Variants in CDC42EP3 observed in about 807,000 individuals in gnomAD.
CDC42EP3 encodes CDC42 effector protein 3.
In CDC42EP3, 4 loss-of-function variants were observed where a neutral mutation model predicts 15.5. The ratio of observed to expected loss-of-function variants is 0.26; its 90% confidence interval spans 0.13 to 0.59. The LOEUF (loss-of-function observed/expected upper bound fraction) is 0.59. CDC42EP3 is among the 20% of genes least tolerant of loss of function. The pLI, the probability that CDC42EP3 is intolerant of heterozygous loss-of-function variation, is 0.89. For missense variants in CDC42EP3, 309 were observed against 311.2 expected (o/e 0.99, Z 0.05); for synonymous variants, 145 against 130.3 (o/e 1.11, Z -0.77).
intron 1 of CDC42EP3, among the ~76,000 whole-genome samples, chr2:37,671,160 T>C (rs1271156122): frequency 6.6e-6 from 1 of 152,236 alleles, no homozygotes; most frequent in East Asian, 1.9e-4. Context: ...GAGGGTGCAA[T>C]GTGGCCGCGC....
At chr2:37,661,410 T>G (rs1356964238) in intron 1 of CDC42EP3, among the ~76,000 whole-genome samples, 1 of 152,154 alleles carries the variant, frequency 6.6e-6, no homozygotes, top group Non-Finnish European at 1.5e-5. Flanking sequence ...GCAAGTGACT[T>G]GGAAGACACA....
chr2:37,658,361 C>G (rs1392988186), intron 1 of CDC42EP3, among the ~76,000 whole-genome samples: 1 of 152,182 alleles, frequency 6.6e-6, no homozygotes, highest in Non-Finnish European at 1.5e-5. Flanking sequence ...TGCTGTTGAG[C>G]TTGCATGGCG....
chr2:37,654,142 C>A (rs1665775855), intron 1 of CDC42EP3, among the ~76,000 whole-genome samples: 1 of 152,166 alleles, frequency 6.6e-6, no homozygotes, highest in Admixed American at 6.5e-5. Context: ...TCCGCCGCCT[C>A]CCTACCCCCA....
rs1370875943 is a variant in CDC42EP3, at chr2:37,645,243, C to A, written c.*580G>T. 6.6e-6 allele frequency: 1 copy of A among 152,530 alleles called. No individual in the cohort carries two copies. The highest frequency in any genetic ancestry group is 1.5e-5 in the Non-Finnish European group (1 of 68,044). The allele number at this position is 152,530 out of a possible 1,614,324, so 9.4% of individuals were successfully genotyped here. ...TTGCCTGTGTCTTACCAACATGTAG[C>A]TGACAGTCAAAATTTTGCAATATAG... On this transcript the variant is annotated 3_prime_UTR_variant, in exon 2 of 2. Transcript: ENST00000295324.
chr2:37,656,146 C>T lies in CDC42EP3; in HGVS notation c.-235-9324G>A, dbSNP rs538352437. ...CAATAATCCACGTTCCTTGGATGGG[C>T]TGAAACATGGCTTTTCTGTATGATA... On this transcript the variant is annotated intron_variant, in intron 1 of 1. Coordinates refer to ENST00000295324, the MANE Select transcript of CDC42EP3 (RefSeq NM_006449.5). 2.6e-4 allele frequency among the ~76,000 whole-genome samples: 40 copies of T among 152,348 alleles called. 1 individual carries two copies. The South Asian group carries it at 7.7e-3, about 29-fold the overall frequency.
intron 1 of CDC42EP3, among the ~76,000 whole-genome samples, chr2:37,652,150 G>C (rs1221783958): frequency 7.2e-6 from 1 of 138,202 alleles, no homozygotes; most frequent in Non-Finnish European, 1.5e-5. Context: ...ACTCCAGCCT[G>C]GGTGACAGAG....
chr2:37,672,810 C>T (rs1666476555), upstream of CDC42EP3, among the ~76,000 whole-genome samples: 1 of 152,142 alleles, frequency 6.6e-6, no homozygotes, highest in Admixed American at 6.5e-5. Flanking sequence ...TGGCACAACG[C>T]GGAGAACCTC....
In CDC42EP3 at chr2:37,669,555, T is replaced by C. The variant is rs114394909; in HGVS notation, c.-236+1871A>G. Among the ~76,000 whole-genome samples the C allele has an allele frequency of 4.2e-3, 641 of 152,330 alleles. 7 individuals carry two copies. The highest frequency in any genetic ancestry group is 0.014 in the African/African-American group (602 of 41,574). ...TGTTCCATAGAGATACGTGAAACAA[T>C]TTCACTGCTCAGATTGAGGGAAAGA... On this transcript the variant is annotated intron_variant, in intron 1 of 1. Transcript: ENST00000295324.
chr2:37,644,565 G>C lies in CDC42EP3; in HGVS notation c.*1258C>G, dbSNP rs955821048. 2 of 151,258 alleles carry C rather than the reference G, an allele frequency of 1.3e-5. No individual in the cohort carries two copies. Among genetic ancestry groups the C allele is most frequent in the East Asian group, 3.9e-4 (2 of 5,150 alleles). The allele number at this position is 151,258 out of a possible 1,614,324, so 9.4% of individuals were successfully genotyped here. A position where few individuals can be genotyped will look rare whatever the true frequency, so the allele number is the denominator to read the frequency against. On this transcript the variant is annotated 3_prime_UTR_variant, in exon 2 of 2. Coordinates refer to ENST00000295324, the MANE Select transcript of CDC42EP3 (RefSeq NM_006449.5). ...CTTGCAAGAGTTTGCTGTAGAAGGT[G>C]TTCAAGTCAGGAAGATGCTCAGAAA...
At chr2:37,663,646 G>A (rs541650408) in intron 1 of CDC42EP3, among the ~76,000 whole-genome samples, 1 of 152,328 alleles carries the variant, frequency 6.6e-6, no homozygotes, top group African/African-American at 2.4e-5. Flanking sequence ...GCATTTGAAT[G>A]TTCTGTAGCC....
intron 1 of CDC42EP3, among the ~76,000 whole-genome samples, chr2:37,647,170 C>T (rs1321134044): frequency 6.6e-6 from 1 of 152,174 alleles, no homozygotes; most frequent in Non-Finnish European, 1.5e-5. Context: ...ATACATTTTC[C>T]TTTTGCTTTG....
At chr2:37,666,683 T>C (rs190490299) in intron 1 of CDC42EP3, among the ~76,000 whole-genome samples, 4 of 152,224 alleles carry the variant, frequency 2.6e-5, no homozygotes, top group African/African-American at 9.7e-5. Flanking sequence ...AATCTCAGCA[T>C]CATGCTTTGT....
At position 37,653,675 on chromosome 2, in the gene CDC42EP3, A is replaced by T. The variant is rs539634126; in HGVS notation, c.-235-6853T>A. 2.6e-4 allele frequency among the ~76,000 whole-genome samples: 40 copies of T among 152,268 alleles called. 1 individual carries two copies. The South Asian group carries it at 7.7e-3, about 29-fold the overall frequency. The stretch of plus-strand genomic sequence containing the variant: ...CTCTGAAAAGAACCAAGGAGTTGGG[A>T]TATTTTTAAAATTCCATTTATTTTA... On this transcript the variant is annotated intron_variant, in intron 1 of 1. Transcript: ENST00000295324.
At chr2:37,657,904 C>T (rs537767285) in intron 1 of CDC42EP3, among the ~76,000 whole-genome samples, 2 of 152,246 alleles carry the variant, frequency 1.3e-5, no homozygotes, top group African/African-American at 2.4e-5. Flanking sequence ...ATTATCTGGC[C>T]TCAAATCTCA....
Position 37,646,342 on chromosome 2 carries a change from A to G in CDC42EP3, c.246T>C (p.Asn82=), listed in dbSNP as rs1225093019. The G allele has an allele frequency of 1.2e-6, 2 of 1,613,996 alleles. No homozygotes were observed. The highest frequency in any genetic ancestry group is 4.5e-5 in the East Asian group (2 of 44,886). The change falls in exon 2 of 2, where the codon AAT becomes AAC. Residue 82 remains asparagine (N), a synonymous_variant. Coordinates refer to ENST00000295324, the MANE Select transcript of CDC42EP3 (RefSeq NM_006449.5). The stretch of plus-strand genomic sequence containing the variant: ...AGGTGCTGTTGGCCCGGAAGAACTC[A>G]TTATGCCCAGGGAACTGGCCCAGGT... The part of the protein sequence containing the change: ...KAHLGQFPGH[N]EFFRANSTSD...
chr2:37,669,458 T>A (rs2124640911), intron 1 of CDC42EP3, among the ~76,000 whole-genome samples: 1 of 152,358 alleles, frequency 6.6e-6, no homozygotes, highest in Admixed American at 6.5e-5. Context: ...TATTTATTCA[T>A]CTTGCACCGC....
chr2:37,658,427 T>C (rs1665953032), intron 1 of CDC42EP3, among the ~76,000 whole-genome samples: 1 of 152,140 alleles, frequency 6.6e-6, no homozygotes, highest in Non-Finnish European at 1.5e-5. Flanking sequence ...GTACAATGGA[T>C]TGGAAATGGA....
chr2:37,652,740 A>C (rs967143655), intron 1 of CDC42EP3, among the ~76,000 whole-genome samples: 1 of 130,352 alleles, frequency 7.7e-6, no homozygotes, highest in Middle Eastern at 3.3e-3. Flanking sequence ...AATTAAAAAC[A>C]ATTTTTTTTT....
chr2:37,661,844 T>A (rs1166977221), intron 1 of CDC42EP3, among the ~76,000 whole-genome samples: 1 of 152,184 alleles, frequency 6.6e-6, no homozygotes, highest in African/African-American at 2.4e-5. Flanking sequence ...AAAGAAATTA[T>A]GTTATTATCT....
Sources: allele counts gnomAD v4.1 joint callset (sites outside exome capture counted in the v4.1 genomes callset), GRCh38; gene constraint gnomAD v4.1.1; transcripts MANE v1.5; gene names NCBI Gene and HGNC (gene_info 2026-07-23, HGNC 2026-07-21).